Variants in ANK1 observed in about 807,000 individuals in gnomAD.
The protein encoded by ANK1 is ankyrin 1.
Under a neutral mutation model 210.4 loss-of-function variants are expected in ANK1, and 51 were observed. That is an observed-to-expected ratio of 0.24 (90% CI 0.19 to 0.31). The LOEUF (loss-of-function observed/expected upper bound fraction) is 0.31, where lower values mean the gene tolerates loss of function less well. Ranked by LOEUF, ANK1 falls within the 10% of genes least tolerant of loss-of-function variation. The probability of loss-of-function intolerance (pLI) is 1.00; values close to 1 mark genes in which losing one functional copy is unlikely to be tolerated. For synonymous variants in ANK1, 967 were observed against 1,025.9 expected, an observed-to-expected ratio of 0.94 and a Z score of 1.10; for missense variants, 2,051 against 2,504.4, an observed-to-expected ratio of 0.82 and a Z score of 3.86.
chr8:41,767,272 G>T (rs1055377914), intron 1 of ANK1, among the ~76,000 whole-genome samples: 9 of 151,682 alleles, frequency 5.9e-5, no homozygotes, highest in African/African-American at 9.7e-5. Flanking sequence ...GCAGAGCCCC[G>T]GCCCCGGCCC....
chr8:41,724,143 C>T (rs1830081902), intron 7 of ANK1, among the ~76,000 whole-genome samples: 1 of 152,196 alleles, frequency 6.6e-6, no homozygotes, highest in Non-Finnish European at 1.5e-5. Flanking sequence ...TCCCACCACA[C>T]CACCCAAGCC....
intron 7 of ANK1, among the ~76,000 whole-genome samples, chr8:41,724,192 T>A (rs954316293): frequency 6.6e-6 from 1 of 152,126 alleles, no homozygotes; most frequent in African/African-American, 2.4e-5. Flanking sequence ...TGCAGGAAAG[T>A]CAGTTATATG....
chr8:41,702,689 C>T (rs1004124388), intron 20 of ANK1, among the ~76,000 whole-genome samples: 6 of 152,228 alleles, frequency 3.9e-5, no homozygotes, highest in East Asian at 1.9e-4. Context: ...GGAAGAGCTA[C>T]GTGATCATAA....
chr8:41,730,753 G>A (rs1415104071), intron 3 of ANK1, among the ~76,000 whole-genome samples: 1 of 152,224 alleles, frequency 6.6e-6, no homozygotes, highest in Non-Finnish European at 1.5e-5. Context: ...CCAGGACGCT[G>A]AGCTCCAAGT....
chr8:41,744,782 A>G (rs1000209518), intron 2 of ANK1, among the ~76,000 whole-genome samples: 4 of 151,964 alleles, frequency 2.6e-5, no homozygotes, highest in Non-Finnish European at 5.9e-5. Context: ...TGATCTGCCC[A>G]CCTCGGCCTC....
At chr8:41,788,892 T>C (rs1009705412) in intron 1 of ANK1, 1 of 152,314 alleles carries the variant, frequency 6.6e-6, no homozygotes, top group Non-Finnish European at 1.5e-5. Flanking sequence ...AGCTCCTCTC[T>C]ATCTCTTCAT....
rs375340785 is a variant in ANK1, at chr8:41,787,228, C to T, written c.27+10284G>A. 1.1e-4 allele frequency among the ~76,000 whole-genome samples: 16 copies of T among 152,264 alleles called. 1 individual carries two copies. Among genetic ancestry groups the T allele is most frequent in the African/African-American group, 2.9e-4 (12 of 41,540 alleles). On this transcript the variant is annotated intron_variant, in intron 1 of 42. Coordinates refer to ENST00000289734, the MANE Select transcript of ANK1 (RefSeq NM_000037.4). ...TGGAGGGGCTGGAGGCCAGTGGAGA[C>T]GAGCAGTCATGCTTTGTGGGTGATT... is the stretch of plus-strand genomic sequence containing the variant.
chr8:41,672,039 T>A (rs1226183975), intron 38 of ANK1, among the ~76,000 whole-genome samples: 1 of 151,390 alleles, frequency 6.6e-6, no homozygotes, highest in Non-Finnish European at 1.5e-5. Context: ...TGTCTCTAAG[T>A]GAGCTCTCCC....
intron 1 of ANK1, among the ~76,000 whole-genome samples, chr8:41,778,784 A>T (rs1844661959): frequency 6.6e-6 from 1 of 152,202 alleles, no homozygotes; most frequent in Non-Finnish European, 1.5e-5. Flanking sequence ...AGGAAAATAA[A>T]GTGATGATTT....
intron 16 of ANK1, 132 bp from the exon 17 acceptor site, chr8:41,709,107 G>A (rs1036316030): frequency 1.9e-4 from 182 of 935,516 alleles, no homozygotes; most frequent in Non-Finnish European, 2.8e-4. Flanking sequence ...TCACCCAGGA[G>A]CAATTTAGGT....
chr8:41,657,832 C>T (rs1806304876), intron 42 of ANK1, among the ~76,000 whole-genome samples: 1 of 152,222 alleles, frequency 6.6e-6, no homozygotes, highest in Non-Finnish European at 1.5e-5. Context: ...GGCCTCTTCT[C>T]CTGGGTCCCC....
At chr8:41,702,516 G>C (rs1427016708) in intron 20 of ANK1, among the ~76,000 whole-genome samples, 1 of 152,206 alleles carries the variant, frequency 6.6e-6, no homozygotes, top group African/African-American at 2.4e-5. Flanking sequence ...GAGGACAGAG[G>C]AAGGCTGCTT....
At chr8:41,712,356 T>A (rs1826387430) in intron 16 of ANK1, among the ~76,000 whole-genome samples, 1 of 152,240 alleles carries the variant, frequency 6.6e-6, no homozygotes, top group Admixed American at 6.5e-5. Flanking sequence ...CAGCCCCCTG[T>A]CCTGCCCAAG....
chr8:41,860,807 G>GA (rs1351485232), intron 1 of ANK1, among the ~76,000 whole-genome samples: 1 of 152,168 alleles, frequency 6.6e-6, no homozygotes, highest in Non-Finnish European at 1.5e-5. Flanking sequence ...GGGGCCAAAT[G>GA]AAAAACCTCA....
chr8:41,761,900 C>A (rs1486480085), intron 1 of ANK1, among the ~76,000 whole-genome samples: 2 of 152,052 alleles, frequency 1.3e-5, no homozygotes, highest in East Asian at 3.9e-4. Flanking sequence ...CAACCCCAGG[C>A]CTGCAGAAAT....
At chr8:41,803,082 AG>A (rs372383310) in intron 1 of ANK1, among the ~76,000 whole-genome samples, 965 of 86,904 alleles carry the variant, frequency 0.011, 38 homozygotes, top group African/African-American at 0.041. Context: ...GAAGGAAGGA[AG>A]GGAAGGAAAG....
chr8:41,689,422 C>A (rs1818654481), intron 33 of ANK1, among the ~76,000 whole-genome samples: 1 of 152,156 alleles, frequency 6.6e-6, no homozygotes, highest in Non-Finnish European at 1.5e-5. Flanking sequence ...GCCTCTGCGC[C>A]CAGCCTGAAA....
chr8:41,797,927 G>C (rs2150772346), upstream of ANK1, among the ~76,000 whole-genome samples: 1 of 152,026 alleles, frequency 6.6e-6, no homozygotes, highest in East Asian at 2.0e-4. The surrounding 1 kb of genome is among the most constrained non-coding windows in gnomAD (Gnocchi z 4.0). Flanking sequence ...GTTTAGTCGC[G>C]GGCAGGGCAT....
Position 41,865,558 on chromosome 8 carries a change from C to T in ANK1, c.126+30797G>A, listed in dbSNP as rs571950355. Among the ~76,000 whole-genome samples, 404 of 152,262 alleles carry T rather than the reference C, an allele frequency of 2.7e-3. 1 individual carries two copies. Among genetic ancestry groups the T allele is most frequent in the African/African-American group, 9.5e-3 (394 of 41,540 alleles). ...GGTCCCACTGGCTCAGGGCAGATGG[C>T]CCTGTGGCACCTGAAGCTGCACACG... On this transcript the variant is annotated intron_variant, in intron 1 of 42. Transcript: ENST00000265709.
Sources: gnomAD v4.1 joint callset for allele counts (sites outside exome capture counted in the v4.1 genomes callset) on GRCh38, gnomAD v4.1.1 for gene constraint, Gnocchi (gnomAD v3.1) non-coding constraint, MANE v1.5 for transcripts, NCBI Gene and HGNC (gene_info 2026-07-23, HGNC 2026-07-21) for gene names.